HAUS3: variants seen among roughly 807,000 people sequenced by gnomAD.
The protein encoded by HAUS3 is HAUS augmin-like complex subunit 3.
HAUS3 carries 36 observed loss-of-function variants against 55.2 expected under a neutral mutation model. That is an observed-to-expected ratio of 0.65 (90% CI 0.50 to 0.86). HAUS3 has a LOEUF of 0.86. Among genes scored for constraint, HAUS3 ranks in the 40% least tolerant of loss-of-function variants. HAUS3 has a pLI of 0.00. For missense variants in HAUS3, 752 were observed against 671.5 expected, an observed-to-expected ratio of 1.12 and a Z score of -1.33; for synonymous variants, 234 against 238.6, an observed-to-expected ratio of 0.98 and a Z score of 0.18.
intron 5 of HAUS3, 125 bp downstream of exon 5, chr4:2,236,103 A>T: frequency 1.7e-6 from 1 of 596,216 alleles, no homozygotes; most frequent in Non-Finnish European, 2.9e-6. Flanking sequence ...GAGATATAGA[A>T]ATATACTTTA....
chr4:2,236,501 G>C (rs1257011710), intron 4 of HAUS3, 45 bp from the exon 5 acceptor site: 14 of 1,362,852 alleles, frequency 1.0e-5, no homozygotes, highest in Non-Finnish European at 1.5e-5. Context: ...TATCAAGTCA[G>C]TATCATTTTC....
chr4:2,236,542 G>A (rs1366378677), intron 4 of HAUS3, 86 bp from the exon 5 acceptor site: 2 of 879,866 alleles, frequency 2.3e-6, no homozygotes, highest in South Asian at 1.5e-5. Context: ...TGGGGCATTT[G>A]TGGGGATAGC....
At position 2,238,934 on chromosome 4, in the gene HAUS3, A is replaced by C. The variant is rs1200214300; in HGVS notation, c.1019T>G (p.Val340Gly). The C allele has an allele frequency of 6.2e-7, 1 of 1,609,860 alleles. No individual in the cohort carries two copies. The highest frequency in any genetic ancestry group is 8.5e-7 in the Non-Finnish European group (1 of 1,178,360). Residue 340 changes from valine (V) to glycine (G), a missense_variant, in exon 4 of 6, where the codon GTA (valine) becomes GGA (glycine). Transcript: ENST00000443786. ...QIKDRSLPAV[V>G]RENAQLLNMP... ...ATTCAATAACTGGGCATTCTCTCTT[A>C]CCACAGCAGGTAAACTTCTGTCTTT...
chr4:2,238,058 T>A (rs1734830644), intron 4 of HAUS3, among the ~76,000 whole-genome samples: 1 of 152,128 alleles, frequency 6.6e-6, no homozygotes, highest in South Asian at 2.1e-4. Flanking sequence ...TGGAGAAAAA[T>A]GAGGAGTAGG....
Position 2,238,851 on chromosome 4 carries a change from C to T in HAUS3, c.1102G>A (p.Ala368Thr). The change falls in exon 4 of 6, where the codon GCA becomes ACA. Residue 368 changes from alanine to threonine, a missense_variant. Transcript: ENST00000443786. ...LQIAKQDYYT[A>T]RQELVLNQLI... ...TGATTTAAAACTAACTCTTGTCTTG[C>T]TGTATAATAATCTTGTTTAGCAATC... is the stretch of plus-strand genomic sequence containing the variant. 6.2e-7 allele frequency: 1 copy of T among 1,613,214 alleles called. No homozygotes were observed. The highest frequency in any genetic ancestry group is 8.5e-7 in the Non-Finnish European group (1 of 1,179,502).
At chr4:2,239,301 CT>C (rs1358549730) in intron 3 of HAUS3, among the ~76,000 whole-genome samples, 2 of 152,130 alleles carry the variant, frequency 1.3e-5, no homozygotes, top group Non-Finnish European at 2.9e-5. Flanking sequence ...TATTATACTT[CT>C]TTTAATCAGA....
rs150632522 is a variant in HAUS3 at position 2,238,968 on chromosome 4, T to G, written c.985A>C (p.Thr329Pro). The G allele has an allele frequency of 1.9e-6, 3 of 1,587,350 alleles. No homozygotes were observed. The South Asian group carries it at 3.5e-5, about 18-fold the overall frequency. ...SEIMKLEKEVTQIKDRSLPAV... is the reference protein window; with the variant it reads ...SEIMKLEKEVPQIKDRSLPAV... ...GGTAAACTTCTGTCTTTTATTTGAG[T>G]GACCTCTTTTTCAAGTTTCATAATC... Residue 329 changes from threonine to proline, a missense_variant, in exon 4 of 6, where the codon ACT (threonine) becomes CCT (proline). Physicochemically the swap from Thr to Pro is conservative, Grantham distance 38. Transcript: ENST00000443786.
At position 2,240,175 on chromosome 4, in the gene HAUS3, TCTC is replaced by T; in HGVS notation, c.769_771del (p.Glu257del). On this transcript the variant is annotated inframe_deletion, in exon 3 of 6. Coordinates refer to ENST00000443786, the MANE Select transcript of HAUS3 (RefSeq NM_001303143.2). ...TGCAGTCTAGCCATCTCTAGTCGTCTCTCCTCAAGGATTTCTTGATTATCACAA... is the reference window on the plus strand; with the variant it reads ...TGCAGTCTAGCCATCTCTAGTCGTCTCTCAAGGATTTCTTGATTATCACAA... The T allele has an allele frequency of 1.2e-6, 2 of 1,614,060 alleles. No homozygotes were observed. The highest frequency in any genetic ancestry group is 1.7e-6 in the Non-Finnish European group (2 of 1,179,920).
At position 2,240,631 on chromosome 4, in the gene HAUS3, C is replaced by T. The variant is rs757593950; in HGVS notation, c.316G>A (p.Val106Ile). ...DKELEKLEDEVQTLLKLKNLK... is the reference protein window; with the variant it reads ...DKELEKLEDEIQTLLKLKNLK... ...TTCTTTAATTTCAGTAGAGTTTGAA[C>T]CTCATCCTCTAATTTCTCCAGCTCT... Residue 106 changes from valine (V) to isoleucine (I), a missense_variant, in exon 3 of 6, where the codon GTT becomes ATT. Val to Ile is a conservative substitution (Grantham distance 29). Coordinates refer to ENST00000443786, the MANE Select transcript of HAUS3 (RefSeq NM_001303143.2). 2 of 1,613,506 alleles carry T rather than the reference C, an allele frequency of 1.2e-6. No homozygotes were observed. The highest frequency in any genetic ancestry group is 1.1e-5 in the South Asian group (1 of 90,938).
intron 5 of HAUS3, among the ~76,000 whole-genome samples, chr4:2,234,671 G>C (rs995950559): frequency 6.6e-6 from 1 of 152,014 alleles, no homozygotes; most frequent in East Asian, 1.9e-4. Flanking sequence ...ACATTACTAA[G>C]CAAAAGAAAA....
In HAUS3 at chr4:2,240,694, T is replaced by C. The variant is rs191190898; in HGVS notation, c.253A>G (p.Lys85Glu). Residue 85 changes from lysine (K) to glutamate (E), a missense_variant, in exon 3 of 6, where the codon AAA becomes GAA. Physicochemically the swap from Lys to Glu is moderately conservative, Grantham distance 56. Transcript: ENST00000443786. ...CTAGGTGTCTTCAAATCAGAAGTTT[T>C]ACACGTTTTAAGAGCTTCATCCAAT... ...AALDEALKTCKTSDLKTPRLD... is the reference protein window; with the variant it reads ...AALDEALKTCETSDLKTPRLD... The C allele has an allele frequency of 6.2e-7, 1 of 1,614,076 alleles. No homozygotes were observed. Among genetic ancestry groups the C allele is most frequent in the Admixed American group, 1.7e-5 (1 of 59,976 alleles).
rs927155208 is a variant in HAUS3, at chr4:2,229,906, A to C, written c.*2021T>G. The C allele has an allele frequency of 6.6e-6, 1 of 152,290 alleles. No homozygotes were observed. The highest frequency in any genetic ancestry group is 2.1e-4 in the South Asian group (1 of 4,836). 9.4% of individuals were successfully genotyped at this position (152,290 alleles called of 1,614,324 possible). A position where few individuals can be genotyped will look rare whatever the true frequency, so the allele number is the denominator to read the frequency against. ...CACAACGATTATAAGTAACTTGGGT[A>C]ATTACGGCAGACACACAACTACCAT... On this transcript the variant is annotated 3_prime_UTR_variant, in exon 6 of 6. Transcript: ENST00000443786.
intron 4 of HAUS3, 134 bp downstream of exon 4, chr4:2,238,470 G>GA (rs1414661656): frequency 3.1e-5 from 16 of 515,532 alleles, no homozygotes; most frequent in African/African-American, 6.0e-5. Context: ...TATGAAAATG[G>GA]AAAAAAAATA....
intron 5 of HAUS3, among the ~76,000 whole-genome samples, chr4:2,235,510 T>C (rs1259353883): frequency 6.6e-6 from 1 of 152,232 alleles, no homozygotes; most frequent in Non-Finnish European, 1.5e-5. Flanking sequence ...GATAATTTCA[T>C]TGTGGAATAT....
In HAUS3 at chr4:2,229,299, A is replaced by G; in HGVS notation, c.*2628T>C. On this transcript the variant is annotated 3_prime_UTR_variant, in exon 6 of 6. Coordinates refer to ENST00000443786, the MANE Select transcript of HAUS3 (RefSeq NM_001303143.2). ...CATATATTAATCCTAAGACTATAAA[A>G]CAGGAAATACAATTATTTTCAAAAA... 7.5e-7 allele frequency: 1 copy of G among 1,337,922 alleles called. No individual in the cohort carries two copies. The highest frequency in any genetic ancestry group is 2.0e-4 in the Middle Eastern group (1 of 5,018). The allele number at this position is 1,337,922 out of a possible 1,614,324, so 82.9% of individuals were successfully genotyped here.
rs1349369714 is a variant in HAUS3, at chr4:2,228,390, G to A, written c.*3537C>T. 28 of 211,806 alleles carry A rather than the reference G, an allele frequency of 1.3e-4. No individual in the cohort carries two copies. Among genetic ancestry groups the A allele is most frequent in the African/African-American group, 2.8e-4 (10 of 35,682 alleles). 13.1% of individuals were successfully genotyped at this position (211,806 alleles called of 1,614,324 possible). A position where few individuals can be genotyped will look rare whatever the true frequency, so the allele number is the denominator to read the frequency against. On this transcript the variant is annotated 3_prime_UTR_variant, in exon 6 of 6. Coordinates refer to ENST00000443786, the MANE Select transcript of HAUS3 (RefSeq NM_001303143.2). Reference sequence around the variant, plus strand: ...TTTTGAGATAGAGTCTCACTCTGTCGCCCACGCTGGAGACCTCAGCTCACT... The same window carrying A: ...TTTTGAGATAGAGTCTCACTCTGTCACCCACGCTGGAGACCTCAGCTCACT...
At chr4:2,241,943 C>A in intron 1 of HAUS3, 108 bp downstream of exon 1, 4 of 985,500 alleles carry the variant, frequency 4.1e-6, no homozygotes, top group Non-Finnish European at 4.8e-6. Flanking sequence ...CTGGAAGGAG[C>A]CCCCAGGAGC....
chr4:2,240,073 A>G lies in HAUS3; in HGVS notation c.874T>C (p.Trp292Arg), dbSNP rs767805391. The change falls in exon 3 of 6, where the codon TGG becomes CGG. Residue 292 changes from tryptophan (W) to arginine (R), a missense_variant. Coordinates refer to ENST00000443786, the MANE Select transcript of HAUS3 (RefSeq NM_001303143.2). Reference sequence around the variant, plus strand: ...AGGCTGTGAAGACTCTCCTCTGCCCATTTTATACTTGACTTCATGCTCGAA... The same window carrying G: ...AGGCTGTGAAGACTCTCCTCTGCCCGTTTTATACTTGACTTCATGCTCGAA... ...SNSSMKSSIK[W>R]AEESLHSLTS... 2 of 1,613,962 alleles carry G rather than the reference A, an allele frequency of 1.2e-6. No individual in the cohort carries two copies. Among genetic ancestry groups the G allele is most frequent in the African/African-American group, 1.3e-5 (1 of 75,022 alleles).
Position 2,240,267 on chromosome 4 carries a change from T to G in HAUS3, c.680A>C (p.His227Pro). Residue 227 changes from histidine (H) to proline (P), a missense_variant, in exon 3 of 6, where the codon CAT becomes CCT. By Grantham distance (77) the His-to-Pro change is moderately conservative. Transcript: ENST00000443786. ...TTCATTTGAACTTTCAACTACTTCA[T>G]GTATACCCTGAAAGAACTGTTTTTT... ...YTKKQFFQGI[H>P]EVVESSNEDN... 1 of 1,613,840 alleles carries G rather than the reference T, an allele frequency of 6.2e-7. No individual in the cohort carries two copies.
Sources: allele counts gnomAD v4.1 joint callset (sites outside exome capture counted in the v4.1 genomes callset), GRCh38; gene constraint gnomAD v4.1.1; transcripts MANE v1.5; gene names NCBI Gene and HGNC (gene_info 2026-07-23, HGNC 2026-07-21).